MSR1: variants seen among roughly 807,000 people sequenced by gnomAD.
The protein encoded by MSR1 is macrophage scavenger receptor types I and II.
In MSR1, 53 loss-of-function variants were observed where a neutral mutation model predicts 47.2. The observed-to-expected ratio is 1.12, with a 90% CI of 0.90 to 1.41. MSR1 has a LOEUF of 1.41. Ranked by LOEUF, MSR1 falls within the 40% of genes most tolerant of loss-of-function variation. The pLI, the probability that MSR1 is intolerant of heterozygous loss-of-function variation, is 0.00. For missense variants in MSR1, 786 were observed against 546.9 expected, an observed-to-expected ratio of 1.44 and a Z score of -4.36; for synonymous variants, 239 against 185.6, an observed-to-expected ratio of 1.29 and a Z score of -2.34.
At chr8:16,167,167 T>G (rs1341613259) in intron 4 of MSR1, among the ~76,000 whole-genome samples, 1 of 152,324 alleles carries the variant, frequency 6.6e-6, no homozygotes, top group Admixed American at 6.5e-5. Flanking sequence ...CCATTAATTA[T>G]CACTTCAAAC....
chr8:16,177,934 C>T lies in MSR1; in HGVS notation c.55G>A (p.Glu19Lys), dbSNP rs200576411. The change falls in exon 2 of 10, where the codon GAA becomes AAA. Residue 19 changes from glutamate to lysine, a missense_variant. Coordinates refer to ENST00000262101, the MANE Select transcript of MSR1 (RefSeq NM_138715.3). Reference protein sequence around the residue: ...NQQEDTDSCSESVKFDARSMT... With the variant: ...NQQEDTDSCSKSVKFDARSMT... ...GAGCGAGCATCAAATTTCACAGATTCGGAGCAGCTATCAGTGTCCTCCTGT... is the reference window on the plus strand; with the variant it reads ...GAGCGAGCATCAAATTTCACAGATTTGGAGCAGCTATCAGTGTCCTCCTGT... The T allele has an allele frequency of 5.1e-5, 82 of 1,613,900 alleles. No homozygotes were observed. Among genetic ancestry groups the T allele is most frequent in the South Asian group, 1.1e-4 (10 of 91,072 alleles).
At chr8:16,126,181 GAGAAAA>G (rs1259799376) in intron 8 of MSR1, among the ~76,000 whole-genome samples, 1 of 152,010 alleles carries the variant, frequency 6.6e-6, no homozygotes. Flanking sequence ...TTAAAAGTTA[GAGAAAA>G]GATACTACGA....
intron 9 of MSR1, among the ~76,000 whole-genome samples, chr8:16,118,465 G>C (rs1439754879): frequency 6.6e-6 from 1 of 152,204 alleles, no homozygotes; most frequent in Admixed American, 6.5e-5. Context: ...GGGCTGGGTG[G>C]CGTGGCTCAC....
chr8:16,120,355 C>T (rs917081217), intron 9 of MSR1, 63 bp downstream of exon 9: 10 of 1,552,248 alleles, frequency 6.4e-6, no homozygotes, highest in Middle Eastern at 1.7e-4. Flanking sequence ...CCAGTCTGGG[C>T]GACAGAATGA....
At position 16,168,523 on chromosome 8, in the gene MSR1, C is replaced by A. The variant is rs866539106; in HGVS notation, c.565G>T (p.Asp189Tyr). The change falls in exon 4 of 10, where the codon GAT becomes TAT. Residue 189 changes from aspartate to tyrosine, a missense_variant. Transcript: ENST00000262101. Reference protein sequence around the residue: ...SLISLNTTLLDLQLNIENLNG... With the variant: ...SLISLNTTLLYLQLNIENLNG... ...AGATTTTCTATGTTGAGCTGCAAATCAAGCAATGTGGTATTCAAACTTATT... is the reference window on the plus strand; with the variant it reads ...AGATTTTCTATGTTGAGCTGCAAATAAAGCAATGTGGTATTCAAACTTATT... 8.1e-6 allele frequency: 13 copies of A among 1,614,004 alleles called. No homozygotes were observed. Among genetic ancestry groups the A allele is most frequent in the Non-Finnish European group, 1.1e-5 (13 of 1,180,012 alleles).
chr8:16,172,454 T>C (rs78542895), intron 3 of MSR1, among the ~76,000 whole-genome samples: 1,697 of 152,228 alleles, frequency 0.011, 31 homozygotes, highest in African/African-American at 0.038. Context: ...AGGATTTATA[T>C]TTTCAAAAGT....
chr8:16,142,593 G>A (rs1800589425), intron 8 of MSR1, among the ~76,000 whole-genome samples: 1 of 152,082 alleles, frequency 6.6e-6, no homozygotes, highest in Admixed American at 6.6e-5. Flanking sequence ...GTCTAAATAT[G>A]TCATACCTAC....
intron 3 of MSR1, among the ~76,000 whole-genome samples, chr8:16,170,987 G>C (rs1450106099): frequency 6.6e-6 from 1 of 152,060 alleles, no homozygotes; most frequent in Non-Finnish European, 1.5e-5. Flanking sequence ...TTTACTTAAA[G>C]AGGCTGTGTG....
At chr8:16,145,146 A>G (rs1800664128) in intron 7 of MSR1, among the ~76,000 whole-genome samples, 1 of 152,142 alleles carries the variant, frequency 6.6e-6, no homozygotes, top group Non-Finnish European at 1.5e-5. Context: ...CATAATATCA[A>G]ATTTCTAATT....
At chr8:16,155,556 T>A (rs546733139) in intron 5 of MSR1, among the ~76,000 whole-genome samples, 9 of 152,108 alleles carry the variant, frequency 5.9e-5, no homozygotes, top group Middle Eastern at 3.4e-3. Context: ...TTAAAAGACA[T>A]TTGTGATACC....
intron 9 of MSR1, among the ~76,000 whole-genome samples, chr8:16,116,250 A>T (rs1799874422): frequency 6.6e-6 from 1 of 152,160 alleles, no homozygotes; most frequent in East Asian, 1.9e-4. Flanking sequence ...CCAGGTCAGT[A>T]TTATTCTCAT....
At position 16,150,301 on chromosome 8, in the gene MSR1, AC is replaced by A; in HGVS notation, c.908del (p.Gly303ValfsTer42). 2 of 1,567,082 alleles carry A rather than the reference AC, an allele frequency of 1.3e-6. No homozygotes were observed. Among genetic ancestry groups the A allele is most frequent in the Non-Finnish European group, 1.7e-6 (2 of 1,152,702 alleles). ...RGFPGPIGPP[G>X]LKGDRGAIGF... ...CAATTGCTCCCCGATCACCTTTAAG[AC>A]CCGGAGGACCTACATTATTAACGAA... On this transcript the variant is annotated frameshift_variant, in exon 7 of 10. Transcript: ENST00000262101. LOFTEE classifies it high-confidence loss of function.
At chr8:16,114,417 C>A (rs139808274) in intron 9 of MSR1, among the ~76,000 whole-genome samples, 1 of 152,180 alleles carries the variant, frequency 6.6e-6, no homozygotes, top group Admixed American at 6.5e-5. Flanking sequence ...ATAGTTACTC[C>A]AGATCTTACT....
At chr8:16,144,889 GTTTATA>G (rs1348690122) in intron 7 of MSR1, among the ~76,000 whole-genome samples, 4 of 151,704 alleles carry the variant, frequency 2.6e-5, no homozygotes, top group African/African-American at 7.3e-5. Context: ...TAATTTTAGT[GTTTATA>G]TTTATTTTTG....
chr8:16,187,714 G>A (rs1002070025), intron 1 of MSR1, among the ~76,000 whole-genome samples: 19 of 152,172 alleles, frequency 1.2e-4, no homozygotes, highest in African/African-American at 4.6e-4. Context: ...CTTAGGTTAT[G>A]CCTCAAGAAA....
At chr8:16,171,583 T>C (rs940730739) in intron 3 of MSR1, among the ~76,000 whole-genome samples, 5 of 152,186 alleles carry the variant, frequency 3.3e-5, no homozygotes, top group African/African-American at 9.6e-5. Flanking sequence ...ATTCATTAAT[T>C]CTATGATTTA....
intron 8 of MSR1, among the ~76,000 whole-genome samples, chr8:16,122,600 T>C (rs1271844617): frequency 1.3e-5 from 2 of 152,082 alleles, no homozygotes; most frequent in African/African-American, 2.4e-5. Flanking sequence ...AAGAATAATA[T>C]GCAGCAGAAC....
chr8:16,140,804 G>A, intron 8 of MSR1: 1 of 1,511,866 alleles, frequency 6.6e-7, no homozygotes, highest in South Asian at 1.3e-5. Context: ...AGAGGTATGA[G>A]CATGGGAGCA....
At chr8:16,131,998 GTT>G (rs150801416) in intron 8 of MSR1, among the ~76,000 whole-genome samples, 5 of 145,058 alleles carry the variant, frequency 3.4e-5, no homozygotes, top group African/African-American at 1.2e-4. Context: ...TTACAATAGG[GTT>G]TTTTTTTTTT....
Sources: gnomAD v4.1 joint callset for allele counts (sites outside exome capture counted in the v4.1 genomes callset) on GRCh38, gnomAD v4.1.1 for gene constraint, MANE v1.5 for transcripts, NCBI Gene and HGNC (gene_info 2026-07-23, HGNC 2026-07-21) for gene names.